DOCK9: variants seen among roughly 807,000 people sequenced by gnomAD.
DOCK9 encodes the protein dedicator of cytokinesis 9.
A neutral mutation model predicts 263.3 loss-of-function variants in DOCK9; 89 were observed. The ratio of observed to expected loss-of-function variants is 0.34; its 90% CI spans 0.28 to 0.40. The LOEUF (loss-of-function observed/expected upper bound fraction) is 0.40. DOCK9 is among the 10% of genes least tolerant of loss of function. The probability of loss-of-function intolerance (pLI) is 1.00; values close to 1 mark genes in which losing one functional copy is unlikely to be tolerated. For synonymous variants in DOCK9, 976 were observed against 973.1 expected (o/e 1.00, Z -0.06); for missense variants, 2,140 against 2,603.4 (o/e 0.82, Z 3.87).
intron 1 of DOCK9, among the ~76,000 whole-genome samples, chr13:98,964,792 G>C (rs1486861964): frequency 6.6e-6 from 1 of 152,142 alleles, no homozygotes; most frequent in Non-Finnish European, 1.5e-5. Context: ...TTAGGAGAAA[G>C]CCCTTCTGAA....
chr13:98,834,085 A>G (rs560325234), intron 39 of DOCK9, among the ~76,000 whole-genome samples: 2 of 152,342 alleles, frequency 1.3e-5, no homozygotes, highest in East Asian at 3.9e-4. Flanking sequence ...TACAGTGGAG[A>G]CTGCTTCTCT....
intron 1 of DOCK9, among the ~76,000 whole-genome samples, chr13:98,996,764 G>T (rs188158913): frequency 2.6e-5 from 4 of 152,176 alleles, no homozygotes; most frequent in African/African-American, 9.7e-5. Context: ...TTCCAGTGTG[G>T]CCCAGGGAAG....
intron 2 of DOCK9, among the ~76,000 whole-genome samples, chr13:98,933,067 C>T (rs181448775): frequency 7.2e-5 from 11 of 152,252 alleles, no homozygotes; most frequent in Admixed American, 1.3e-4. Flanking sequence ...TTCTATGTTC[C>T]CACTAACTGT....
intron 1 of DOCK9, among the ~76,000 whole-genome samples, chr13:99,078,081 C>G (rs913540413): frequency 6.6e-6 from 1 of 152,054 alleles, no homozygotes; most frequent in African/African-American, 2.4e-5. Context: ...AAAGGACAAC[C>G]TAACTTGGGA....
At position 98,805,008 on chromosome 13, in the gene DOCK9, T is replaced by C. The variant is rs1382123768; in HGVS notation, c.5716A>G (p.Ile1906Val). 1 of 1,603,060 alleles carries C rather than the reference T, an allele frequency of 6.2e-7. No homozygotes were observed. The highest frequency in any genetic ancestry group is 1.7e-5 in the Admixed American group (1 of 58,538). The change falls in exon 49 of 53, where the codon ATC becomes GTC. Residue 1906 changes from isoleucine (I) to valine (V), a missense_variant. Ile to Val is a conservative substitution (Grantham distance 29). Coordinates refer to ENST00000682017, the MANE Select transcript of DOCK9 (RefSeq NM_001366683.2). ...CTTCTGGGGCCCATACCTGTCAGGA[T>C]GGTGCGCCGTTTGCACTGCTCTTCC... The part of the protein sequence containing the change: ...GVEEQCKRRT[I>V]LTAIHCFPYV...
At chr13:98,804,129 C>T (rs1322669822) in intron 49 of DOCK9, among the ~76,000 whole-genome samples, 2 of 152,182 alleles carry the variant, frequency 1.3e-5, no homozygotes, top group South Asian at 2.1e-4. Context: ...CCCCAACTTC[C>T]GGGGAGCAGG....
At chr13:98,986,040 T>A (rs932201101) in intron 1 of DOCK9, among the ~76,000 whole-genome samples, 1 of 152,244 alleles carries the variant, frequency 6.6e-6, no homozygotes, top group Non-Finnish European at 1.5e-5. Context: ...TGATCAAAAC[T>A]TTTTAAAAAG....
At chr13:98,873,858 C>T (rs1251955806) in intron 27 of DOCK9, among the ~76,000 whole-genome samples, 2 of 152,178 alleles carry the variant, frequency 1.3e-5, no homozygotes, top group Non-Finnish European at 2.9e-5. Context: ...ATATGACATC[C>T]CAAGGCTAAC....
chr13:98,796,443 T>G (rs2089416998), intron 52 of DOCK9, among the ~76,000 whole-genome samples: 1 of 152,178 alleles, frequency 6.6e-6, no homozygotes, highest in Non-Finnish European at 1.5e-5. Context: ...GGACAGTGAC[T>G]GAGACAGACC....
At chr13:98,860,226 T>A in intron 33 of DOCK9, 179 bp downstream of exon 33, 1 of 1,436,780 alleles carries the variant, frequency 7.0e-7, no homozygotes, top group Non-Finnish European at 9.2e-7. Context: ...GGACCTTTAT[T>A]TCAGGGCATG....
At chr13:98,983,859 C>T (rs1877833672) in intron 1 of DOCK9, among the ~76,000 whole-genome samples, 1 of 152,094 alleles carries the variant, frequency 6.6e-6, no homozygotes, top group South Asian at 2.1e-4. Context: ...TCAGGTGATC[C>T]ACCCACCTCG....
chr13:99,062,630 G>A (rs1353815003), intron 1 of DOCK9, among the ~76,000 whole-genome samples: 1 of 152,190 alleles, frequency 6.6e-6, no homozygotes, highest in Non-Finnish European at 1.5e-5. Flanking sequence ...TTCTACAACA[G>A]GATATCGCCA....
intron 45 of DOCK9, among the ~76,000 whole-genome samples, chr13:98,818,831 T>TTG (rs142278524): frequency 0.055 from 8,263 of 149,780 alleles, 281 homozygotes; most frequent in African/African-American, 0.098. Context: ...CACACTAACA[T>TTG]TGTGTGTGTG....
chr13:99,056,192 A>G (rs566718905), intron 1 of DOCK9, among the ~76,000 whole-genome samples: 23 of 152,336 alleles, frequency 1.5e-4, no homozygotes, highest in Admixed American at 4.6e-4. Context: ...TTTTTAGAAT[A>G]TATATGTAAA....
chr13:98,896,502 A>AC (rs1355325911), intron 15 of DOCK9, among the ~76,000 whole-genome samples: 2 of 152,110 alleles, frequency 1.3e-5, no homozygotes, highest in Non-Finnish European at 2.9e-5. Flanking sequence ...AAAAAAAAAA[A>AC]AACAAGGATA....
At position 98,829,480 on chromosome 13, in the gene DOCK9, T is replaced by C. The variant is rs757215179; in HGVS notation, c.4792A>G (p.Ile1598Val). 23 of 1,613,758 alleles carry C rather than the reference T, an allele frequency of 1.4e-5. No individual in the cohort carries two copies. The highest frequency in any genetic ancestry group is 2.2e-5 in the East Asian group (1 of 44,896). Residue 1598 changes from isoleucine (I) to valine (V), a missense_variant, in exon 43 of 53, where the codon ATA becomes GTA. Physicochemically the swap from Ile to Val is conservative, Grantham distance 29. Coordinates refer to ENST00000682017, the MANE Select transcript of DOCK9 (RefSeq NM_001366683.2). The surrounding 1 kb of genome is among the most constrained non-coding windows in gnomAD (Gnocchi z 4.1). ...SSDVKDLTKR[I>V]RTVLMATAQM... ...GCGGTGGCCATTAGCACCGTGCGTA[T>C]CCTTTTGGTTAAGTCCTTCACATCA...
At chr13:99,009,614 A>G (rs895068575) in intron 1 of DOCK9, among the ~76,000 whole-genome samples, 6 of 152,040 alleles carry the variant, frequency 3.9e-5, no homozygotes, top group African/African-American at 1.4e-4. Context: ...CCATTTTCAC[A>G]TACCTTGTCA....
In DOCK9 at chr13:98,881,859, A is replaced by C. The variant is rs867972170; in HGVS notation, c.2675+33T>G. On this transcript the variant is annotated intron_variant, in intron 24 of 52. Coordinates refer to ENST00000682017, the MANE Select transcript of DOCK9 (RefSeq NM_001366683.2). ...TATGCTCCAGATGTGGACAGACTAG[A>C]AGTGAGGAAGAGCATCCATCCACCT... is the stretch of plus-strand genomic sequence containing the variant. 1.1e-5 allele frequency: 16 copies of C among 1,508,714 alleles called. 1 individual carries two copies. In the Middle Eastern group the frequency reaches 2.7e-3, roughly 255 times the overall value. 93.5% of individuals were successfully genotyped at this position (1,508,714 alleles called of 1,614,324 possible). A position where few individuals can be genotyped will look rare whatever the true frequency, so the allele number is the denominator to read the frequency against.
Position 98,881,638 on chromosome 13 carries a change from C to T in DOCK9, c.2676-11G>A. ...ACATGAATAATGACCCTACACACCA[C>T]AGGAGTGAATAAAGCAAAGAATATG... On this transcript the variant is annotated splice_polypyrimidine_tract_variant and intron_variant, in intron 24 of 52. Transcript: ENST00000682017. The T allele has an allele frequency of 6.2e-7, 1 of 1,603,846 alleles. No homozygotes were observed. The highest frequency in any genetic ancestry group is 8.5e-7 in the Non-Finnish European group (1 of 1,175,042).
Sources: gnomAD v4.1 joint callset for allele counts (sites outside exome capture counted in the v4.1 genomes callset) on GRCh38, gnomAD v4.1.1 for gene constraint, Gnocchi (gnomAD v3.1) non-coding constraint, MANE v1.5 for transcripts, NCBI Gene and HGNC (gene_info 2026-07-23, HGNC 2026-07-21) for gene names.